Variants in CTNND2 observed in about 807,000 individuals in gnomAD.
CTNND2 encodes the protein catenin delta 2.
CTNND2 carries 22 observed loss-of-function variants against 144.4 expected under a neutral mutation model. The ratio of observed to expected loss-of-function variants is 0.15; its 90% confidence interval spans 0.11 to 0.22. The LOEUF (loss-of-function observed/expected upper bound fraction) is 0.22, where lower values mean the gene tolerates loss of function less well. CTNND2 is among the 10% of genes least tolerant of loss of function. CTNND2 has a pLI of 1.00. For missense variants in CTNND2, 1,353 were observed against 1,618.8 expected (o/e 0.84, Z 2.82); for synonymous variants, 751 against 695.6 (o/e 1.08, Z -1.25).
chr5:11,840,277 G>A (rs1794392739), intron 1 of CTNND2, among the ~76,000 whole-genome samples: 4 of 152,102 alleles, frequency 2.6e-5, no homozygotes, highest in Admixed American at 2.6e-4. Context: ...GCTCATCAAA[G>A]ATGCTTAAAG....
At chr5:11,609,020 T>A (rs553212434) in intron 2 of CTNND2, among the ~76,000 whole-genome samples, 1 of 152,264 alleles carries the variant, frequency 6.6e-6, no homozygotes, top group South Asian at 2.1e-4. Flanking sequence ...CTGGACCACG[T>A]TTTCGTCACA....
intron 3 of CTNND2, among the ~76,000 whole-genome samples, chr5:11,423,335 T>C (rs1293967444): frequency 6.6e-6 from 1 of 152,146 alleles, no homozygotes; most frequent in East Asian, 1.9e-4. Flanking sequence ...ATCCTGAGAG[T>C]GAAGAGAGAG....
chr5:11,001,361 T>C (rs1364813493), intron 18 of CTNND2, among the ~76,000 whole-genome samples: 3 of 152,162 alleles, frequency 2.0e-5, no homozygotes, highest in South Asian at 2.1e-4. Context: ...ATGATAGTAA[T>C]AAAATGCTTT....
chr5:11,894,883 TG>T (rs1737272808), intron 1 of CTNND2, among the ~76,000 whole-genome samples: 1 of 152,160 alleles, frequency 6.6e-6, no homozygotes, highest in Admixed American at 6.6e-5. Context: ...AAACCATTTT[TG>T]CCCCAAATGA....
chr5:11,177,122 A>G (rs779745237), intron 11 of CTNND2, among the ~76,000 whole-genome samples: 15 of 152,202 alleles, frequency 9.9e-5, no homozygotes, highest in Non-Finnish European at 1.8e-4. Flanking sequence ...TGGAGTTTAT[A>G]AATTCCTGCA....
chr5:11,136,145 C>T (rs983162348), intron 12 of CTNND2, among the ~76,000 whole-genome samples: 8 of 152,128 alleles, frequency 5.3e-5, no homozygotes, highest in Admixed American at 1.3e-4. Flanking sequence ...ATCTTGAAGC[C>T]GCTGATGCCT....
At chr5:11,862,338 T>C (rs764055036) in intron 1 of CTNND2, among the ~76,000 whole-genome samples, 1 of 152,236 alleles carries the variant, frequency 6.6e-6, no homozygotes, top group Non-Finnish European at 1.5e-5. Flanking sequence ...ATGTTTACTA[T>C]AGTATTTTCA....
At chr5:11,049,550 T>C (rs769041393) in intron 16 of CTNND2, among the ~76,000 whole-genome samples, 10 of 152,190 alleles carry the variant, frequency 6.6e-5, no homozygotes, top group African/African-American at 1.7e-4. Flanking sequence ...TCCCCACGGA[T>C]ACCCTGGCAA....
At chr5:11,282,383 C>T (rs536856977) in intron 9 of CTNND2, among the ~76,000 whole-genome samples, 1 of 152,150 alleles carries the variant, frequency 6.6e-6, no homozygotes, top group Non-Finnish European at 1.5e-5. Flanking sequence ...ACTTGATACC[C>T]TCTCTCTCCT....
intron 12 of CTNND2, among the ~76,000 whole-genome samples, chr5:11,123,708 C>A (rs879188071): frequency 3.9e-5 from 6 of 152,244 alleles, no homozygotes; most frequent in Admixed American, 2.6e-4. Flanking sequence ...TTCGATTAGC[C>A]CCATTCTCAG....
intron 1 of CTNND2, among the ~76,000 whole-genome samples, chr5:11,782,872 C>A (rs1790619564): frequency 6.6e-6 from 1 of 152,172 alleles, no homozygotes; most frequent in South Asian, 2.1e-4. Flanking sequence ...TAAATAATCA[C>A]ACCCATGTTC....
At chr5:11,640,251 A>C (rs1781930631) in intron 2 of CTNND2, among the ~76,000 whole-genome samples, 1 of 152,262 alleles carries the variant, frequency 6.6e-6, no homozygotes, top group African/African-American at 2.4e-5. Context: ...TGAGTAATTC[A>C]ATGTCAATGG....
chr5:11,465,541 CT>C (rs1008802947), intron 3 of CTNND2, among the ~76,000 whole-genome samples: 6 of 152,132 alleles, frequency 3.9e-5, no homozygotes, highest in African/African-American at 1.4e-4. Flanking sequence ...TTCCTGTCAC[CT>C]TTATTTTTGC....
In CTNND2 at chr5:11,554,089, G is replaced by A. The variant is rs574278583; in HGVS notation, c.287+10855C>T. On this transcript the variant is annotated intron_variant, in intron 3 of 21. Transcript: ENST00000304623. ...TCAAATAAATTTAGAACTATTATAC[G>A]CTTAATATGATGACTGGTATTTTAT... is the stretch of plus-strand genomic sequence containing the variant. 1.6e-4 allele frequency among the ~76,000 whole-genome samples: 24 copies of A among 152,028 alleles called. 1 individual carries two copies. The highest frequency in any genetic ancestry group is 9.8e-4 in the Admixed American group (15 of 15,272).
In CTNND2 at chr5:11,199,469, C is replaced by G; in HGVS notation, c.1954G>C (p.Glu652Gln). 1 of 1,614,112 alleles carries G rather than the reference C, an allele frequency of 6.2e-7. No individual in the cohort carries two copies. The highest frequency in any genetic ancestry group is 8.5e-7 in the Non-Finnish European group (1 of 1,179,966). The change falls in exon 11 of 22, where the codon GAG (glutamate) becomes CAG (glutamine). Residue 652 changes from glutamate to glutamine, a missense_variant. Around this residue, in one of 4 missense-constraint regions of CTNND2, gnomAD observed 117 missense variants for 117.8 expected, o/e 0.99. Transcript: ENST00000304623. ...TAACCTGTGACCAGCTCCCGGATCT[C>G]CAGGTCAGTCGTCTTGCGGAGTAAC... ...VRLLRKTTDLEIRELVTGVLW... is the reference protein window; with the variant it reads ...VRLLRKTTDLQIRELVTGVLW...
intron 1 of CTNND2, among the ~76,000 whole-genome samples, chr5:11,781,106 GA>G (rs1790519365): frequency 6.6e-6 from 1 of 152,160 alleles, no homozygotes; most frequent in African/African-American, 2.4e-5. Flanking sequence ...GCATGGAAGA[GA>G]AGAACTATCA....
chr5:11,301,531 TCA>T (rs1749609101), intron 9 of CTNND2, among the ~76,000 whole-genome samples: 1 of 152,220 alleles, frequency 6.6e-6, no homozygotes, highest in African/African-American at 2.4e-5. Context: ...GAGAACTTCA[TCA>T]AGCTTTACAA....
chr5:11,249,676 T>C (rs1743363992), intron 9 of CTNND2, among the ~76,000 whole-genome samples: 1 of 152,286 alleles, frequency 6.6e-6, no homozygotes, highest in African/African-American at 2.4e-5. Context: ...AGTATAATTT[T>C]TGAGGAATGA....
chr5:11,877,201 AT>A (rs1383319743), intron 1 of CTNND2, among the ~76,000 whole-genome samples: 1 of 152,120 alleles, frequency 6.6e-6, no homozygotes, highest in Admixed American at 6.5e-5. Flanking sequence ...TCGTTTTTAA[AT>A]GTGAAATATG....
Sources: gnomAD v4.1 joint callset for allele counts (sites outside exome capture counted in the v4.1 genomes callset) on GRCh38, gnomAD v4.1.1 for gene constraint, gnomAD v4.1.1 regional missense constraint, MANE v1.5 for transcripts, NCBI Gene and HGNC (gene_info 2026-07-23, HGNC 2026-07-21) for gene names.